Variants in CPAMD8 observed in about 807,000 individuals in gnomAD.
The protein encoded by CPAMD8 is C3 and PZP-like alpha-2-macroglobulin domain-containing protein 8.
CPAMD8 carries 146 observed loss-of-function variants against 224.7 expected under a neutral mutation model. The ratio of observed to expected loss-of-function variants is 0.65; its 90% CI spans 0.57 to 0.75. CPAMD8 has a LOEUF of 0.75. Among genes scored for constraint, CPAMD8 ranks in the 30% least tolerant of loss-of-function variants. CPAMD8 has a pLI of 0.00. For synonymous variants in CPAMD8, 966 were observed against 1,044.6 expected (o/e 0.92, Z 1.45); for missense variants, 2,301 against 2,537.5 (o/e 0.91, Z 2.00).
chr19:16,912,473 G>C (rs2052764319), intron 29 of CPAMD8, among the ~76,000 whole-genome samples: 1 of 152,248 alleles, frequency 6.6e-6, no homozygotes, highest in Admixed American at 6.5e-5. Flanking sequence ...GGAGGGCCAG[G>C]CATGGTGGCT....
chr19:16,950,445 T>C (rs1275986631), intron 20 of CPAMD8, among the ~76,000 whole-genome samples: 1 of 152,024 alleles, frequency 6.6e-6, no homozygotes, highest in African/African-American at 2.4e-5. Context: ...TCTCACATCC[T>C]GCATGACGGG....
In CPAMD8 at chr19:16,907,082, G is replaced by A. The variant is rs1363603309; in HGVS notation, c.3897C>T (p.Phe1299=). ...TGGCCAGGGGCGCAGCAGACTCCAGGAAGTGCCTCGCTTTGTCAGTGGAGC... is the reference window on the plus strand; with the variant it reads ...TGGCCAGGGGCGCAGCAGACTCCAGAAAGTGCCTCGCTTTGTCAGTGGAGC... The part of the protein sequence containing the change: ...ERGSTDKARH[F]LESAAPLAMD... Residue 1299 remains phenylalanine, a synonymous_variant, in exon 30 of 42, where the codon TTC becomes TTT. Coordinates refer to ENST00000443236, the MANE Select transcript of CPAMD8 (RefSeq NM_015692.5). 6 of 1,584,784 alleles carry A rather than the reference G, an allele frequency of 3.8e-6. No individual in the cohort carries two copies. Among genetic ancestry groups the A allele is most frequent in the Admixed American group, 1.8e-5 (1 of 56,174 alleles).
chr19:16,923,867 G>T lies in CPAMD8; in HGVS notation c.3547+1329C>A, dbSNP rs2053262836. Among the ~76,000 whole-genome samples, 5 of 152,110 alleles carry T rather than the reference G, an allele frequency of 3.3e-5. No homozygotes were observed. The South Asian group carries it at 8.3e-4, about 25-fold the overall frequency. On this transcript the variant is annotated intron_variant, in intron 26 of 41. Coordinates refer to ENST00000443236, the MANE Select transcript of CPAMD8 (RefSeq NM_015692.5). ...GCTACTCAGGAGGCTGAGGTGGGAG[G>T]CTCACTTGAGCCCAGGAGTTCAAGT... is the stretch of plus-strand genomic sequence containing the variant.
At chr19:17,017,340 T>A (rs1257319928) in intron 3 of CPAMD8, among the ~76,000 whole-genome samples, 1 of 152,188 alleles carries the variant, frequency 6.6e-6, no homozygotes, top group Non-Finnish European at 1.5e-5. Flanking sequence ...AGTGTAATAA[T>A]AATAGAAATA....
chr19:16,959,877 T>G (rs1198027359), intron 18 of CPAMD8, among the ~76,000 whole-genome samples: 3 of 152,162 alleles, frequency 2.0e-5, no homozygotes, highest in African/African-American at 7.2e-5. Flanking sequence ...TGCTCAAGGA[T>G]GTAACTTGTT....
chr19:16,959,228 C>T (rs150093080), intron 18 of CPAMD8, among the ~76,000 whole-genome samples: 1,644 of 149,524 alleles, frequency 0.011, 24 homozygotes, highest in African/African-American at 0.039. Context: ...GGCTGGAGTG[C>T]AGTGGTGCAA....
At position 16,902,760 on chromosome 19, in the gene CPAMD8, G is replaced by A; in HGVS notation, c.4574C>T (p.Pro1525Leu). Residue 1525 changes from proline to leucine, a missense_variant, in exon 35 of 42, where the codon CCT becomes CTT. Around this residue, in one of 4 missense-constraint regions of CPAMD8, gnomAD observed 1,709 missense variants for 1,753.2 expected, o/e 0.97. Coordinates refer to ENST00000443236, the MANE Select transcript of CPAMD8 (RefSeq NM_015692.5). Reference protein sequence around the residue: ...PEAQGRPPPMPASAAEGSRGD... With the variant: ...PEAQGRPPPMLASAAEGSRGD... ...TCGGGAACCCTCAGCTGCGGAGGCA[G>A]GCATGGGGGGCGGGCGTCCCTGGGC... is the stretch of plus-strand genomic sequence containing the variant. 1 of 1,594,762 alleles carries A rather than the reference G, an allele frequency of 6.3e-7. No individual in the cohort carries two copies. The highest frequency in any genetic ancestry group is 8.6e-7 in the Non-Finnish European group (1 of 1,167,114).
intron 22 of CPAMD8, among the ~76,000 whole-genome samples, chr19:16,939,901 G>T (rs1025322074): frequency 3.3e-5 from 5 of 151,030 alleles, no homozygotes; most frequent in Admixed American, 6.6e-5. Flanking sequence ...GTTGTTTTGG[G>T]TTTTTTTTGT....
chr19:16,945,678 G>C lies in CPAMD8; in HGVS notation c.2664C>G (p.Ala888=), dbSNP rs1174337858. The part of the protein sequence containing the change: ...FSDLGLNNIT[A]KALAYGDTNC... ...TTGTGTCTCCGTAAGCAAGGGCTTT[G>C]GCTGCAGAAATTTGATGTCTTGGTC... is the stretch of plus-strand genomic sequence containing the variant. The change falls in exon 22 of 42, where the codon GCC becomes GCG. Residue 888 remains alanine (A), a splice_region_variant and synonymous_variant. Transcript: ENST00000443236. The C allele has an allele frequency of 1.9e-6, 3 of 1,613,954 alleles. No individual in the cohort carries two copies. The African/African-American group carries it at 4.0e-5, about 22-fold the overall frequency.
chr19:16,963,190 C>T (rs1400504151), intron 18 of CPAMD8, among the ~76,000 whole-genome samples: 1 of 152,136 alleles, frequency 6.6e-6, no homozygotes, highest in Admixed American at 6.5e-5. Context: ...TCACACATAA[C>T]AATATTAACC....
chr19:16,953,586 A>T (rs2054366429), intron 19 of CPAMD8, among the ~76,000 whole-genome samples: 1 of 150,914 alleles, frequency 6.6e-6, no homozygotes, highest in Non-Finnish European at 1.5e-5. Flanking sequence ...CTGTAGACCC[A>T]GCTACTTGGG....
At chr19:17,025,901 C>G (rs1296076737) in intron 1 of CPAMD8, among the ~76,000 whole-genome samples, 2 of 152,152 alleles carry the variant, frequency 1.3e-5, no homozygotes, top group East Asian at 1.9e-4. Context: ...TCTGGAAACT[C>G]CTAAACAAGG....
chr19:16,944,510 C>T (rs1281613441), intron 22 of CPAMD8, among the ~76,000 whole-genome samples: 1 of 152,138 alleles, frequency 6.6e-6, no homozygotes, highest in Non-Finnish European at 1.5e-5. Flanking sequence ...TTCTGCAGCT[C>T]GGAGGGGCTC....
chr19:16,896,656 G>T lies in CPAMD8; in HGVS notation c.5075C>A (p.Pro1692His). ...GGCCACGGCAGGGCCCGACTCGCCG[G>T]GGAACCAGCCTGGGGGACGAGGCAG... is the stretch of plus-strand genomic sequence containing the variant. ...RAPARGPGWF[P>H]GESGPAVAPE... Residue 1692 changes from proline to histidine, a missense_variant, in exon 40 of 42, where the codon CCC (proline) becomes CAC (histidine). Around this residue, in one of 4 missense-constraint regions of CPAMD8, gnomAD observed 1,709 missense variants for 1,753.2 expected, o/e 0.97. Coordinates refer to ENST00000443236, the MANE Select transcript of CPAMD8 (RefSeq NM_015692.5). 1 of 1,463,584 alleles carries T rather than the reference G, an allele frequency of 6.8e-7. No homozygotes were observed. The highest frequency in any genetic ancestry group is 2.7e-5 in the East Asian group (1 of 36,728). The allele number at this position is 1,463,584 out of a possible 1,614,324, so 90.7% of individuals were successfully genotyped here.
intron 20 of CPAMD8, among the ~76,000 whole-genome samples, chr19:16,947,780 G>T (rs1369853920): frequency 1.3e-5 from 2 of 152,130 alleles, no homozygotes; most frequent in East Asian, 3.9e-4. Flanking sequence ...GTGCATGCAT[G>T]CATGTACACA....
In CPAMD8 at chr19:17,011,669, G is replaced by T. The variant is rs750302402; in HGVS notation, c.356C>A (p.Thr119Asn). ...AEEGPLFHNQ[T>N]SVTVDGRGAS... ...GCCCCGGCCGTCCACGGTCACCGAGGTCTGGTTGTGAAAGAGGGGCCCCTC... is the reference window on the plus strand; with the variant it reads ...GCCCCGGCCGTCCACGGTCACCGAGTTCTGGTTGTGAAAGAGGGGCCCCTC... The change falls in exon 4 of 42, where the codon ACC (threonine) becomes AAC (asparagine). Residue 119 changes from threonine (T) to asparagine (N), a missense_variant. Thr to Asn is a moderately conservative substitution (Grantham distance 65, BLOSUM62 0). Around this residue, in one of 4 missense-constraint regions of CPAMD8, gnomAD observed 283 missense variants for 340.6 expected, o/e 0.83. Coordinates refer to ENST00000443236, the MANE Select transcript of CPAMD8 (RefSeq NM_015692.5). 1.9e-6 allele frequency: 3 copies of T among 1,613,954 alleles called. No individual in the cohort carries two copies. In the African/African-American group the frequency reaches 4.0e-5, roughly 22 times the overall value.
chr19:16,968,128 G>A (rs901531035), intron 18 of CPAMD8, among the ~76,000 whole-genome samples: 2 of 152,094 alleles, frequency 1.3e-5, no homozygotes, highest in African/African-American at 4.8e-5. Context: ...GCATGTGAGT[G>A]GGTCAGGGCC....
intron 17 of CPAMD8, among the ~76,000 whole-genome samples, chr19:16,971,956 A>G (rs991387912): frequency 3.3e-5 from 5 of 152,140 alleles, no homozygotes; most frequent in African/African-American, 1.2e-4. Context: ...CTGAGGCAGG[A>G]GAATCACTGG....
intron 23 of CPAMD8, among the ~76,000 whole-genome samples, chr19:16,933,296 T>C (rs59791002): frequency 0.084 from 12,658 of 151,364 alleles, 1,555 homozygotes; most frequent in African/African-American, 0.27. Context: ...ATATAGCAAA[T>C]GCATTAATGA....
Sources: gnomAD v4.1 joint callset for allele counts (sites outside exome capture counted in the v4.1 genomes callset) on GRCh38, gnomAD v4.1.1 for gene constraint, gnomAD v4.1.1 regional missense constraint, MANE v1.5 for transcripts, NCBI Gene and HGNC (gene_info 2026-07-23, HGNC 2026-07-21) for gene names.